NTF3: variants seen among roughly 807,000 people sequenced by gnomAD.
NTF3 encodes neurotrophin 3.
A neutral mutation model predicts 26.3 loss-of-function variants in NTF3; 8 were observed. The ratio of observed to expected loss-of-function variants is 0.30; its 90% confidence interval spans 0.18 to 0.55. The LOEUF (loss-of-function observed/expected upper bound fraction) is 0.55. NTF3 is among the 20% of genes least tolerant of loss of function. NTF3 has a pLI of 0.93. For synonymous variants in NTF3, 154 were observed against 145.5 expected, an observed-to-expected ratio of 1.06 and a Z score of -0.42; for missense variants, 276 against 352.9, an observed-to-expected ratio of 0.78 and a Z score of 1.75.
intron 1 of NTF3, among the ~76,000 whole-genome samples, chr12:5,477,990 G>C (rs1044574491): frequency 6.6e-6 from 1 of 152,150 alleles, no homozygotes; most frequent in Non-Finnish European, 1.5e-5. Flanking sequence ...GACTGCTTTC[G>C]TCTCAAAGCA....
At chr12:5,485,455 A>G (rs1438726133) in intron 1 of NTF3, among the ~76,000 whole-genome samples, 1 of 152,204 alleles carries the variant, frequency 6.6e-6, no homozygotes, top group Non-Finnish European at 1.5e-5. Context: ...TTCTTAAGAA[A>G]AAGTACTTAA....
chr12:5,468,103 A>G (rs1260389098), intron 1 of NTF3, among the ~76,000 whole-genome samples: 1 of 152,178 alleles, frequency 6.6e-6, no homozygotes, highest in Admixed American at 6.5e-5. Flanking sequence ...TTCAATCAAC[A>G]TAATCACAGT....
At chr12:5,463,201 A>G (rs1940545059) in intron 1 of NTF3, among the ~76,000 whole-genome samples, 1 of 152,186 alleles carries the variant, frequency 6.6e-6, no homozygotes, top group Admixed American at 6.5e-5. Flanking sequence ...TGAGCAAATC[A>G]AATCCTTAAA....
At chr12:5,445,870 T>C (rs1940299441) in intron 1 of NTF3, among the ~76,000 whole-genome samples, 1 of 152,212 alleles carries the variant, frequency 6.6e-6, no homozygotes, top group Non-Finnish European at 1.5e-5. Flanking sequence ...GTTCAACTAA[T>C]ATGGGCTAAG....
intron 1 of NTF3, among the ~76,000 whole-genome samples, chr12:5,434,862 C>T (rs1036335744): frequency 6.6e-6 from 1 of 151,460 alleles, no homozygotes; most frequent in Non-Finnish European, 1.5e-5. Context: ...CTGAGGAGCA[C>T]GGGGTTTGAA....
At chr12:5,462,441 C>G (rs1295891683) in intron 1 of NTF3, among the ~76,000 whole-genome samples, 1 of 152,172 alleles carries the variant, frequency 6.6e-6, no homozygotes, top group Non-Finnish European at 1.5e-5. Context: ...ATGCTTACCA[C>G]AGAGGCTCGA....
At chr12:5,434,548 G>A (rs749017605) in intron 1 of NTF3, among the ~76,000 whole-genome samples, 21 of 150,784 alleles carry the variant, frequency 1.4e-4, no homozygotes, top group Non-Finnish European at 2.5e-4. Flanking sequence ...TCCCTCTTTG[G>A]TGCCTGGGAG....
intron 1 of NTF3, among the ~76,000 whole-genome samples, chr12:5,449,134 AGGAGAG>A (rs1463590154): frequency 7.2e-5 from 11 of 152,328 alleles, no homozygotes; most frequent in Admixed American, 5.9e-4. Context: ...TGGATGATTG[AGGAGAG>A]CCCTGGATCA....
At chr12:5,449,025 G>A (rs963418943) in intron 1 of NTF3, among the ~76,000 whole-genome samples, 1 of 152,212 alleles carries the variant, frequency 6.6e-6, no homozygotes, top group African/African-American at 2.4e-5. Flanking sequence ...TACATGTAGG[G>A]AAATAAGACA....
chr12:5,478,891 A>C (rs75964489), intron 1 of NTF3, among the ~76,000 whole-genome samples: 1,646 of 152,252 alleles, frequency 0.011, 29 homozygotes, highest in African/African-American at 0.037. Flanking sequence ...TTTCTACACA[A>C]TGTTGGATTC....
At chr12:5,442,036 A>G (rs574798900) in intron 1 of NTF3, among the ~76,000 whole-genome samples, 5 of 152,324 alleles carry the variant, frequency 3.3e-5, no homozygotes, top group African/African-American at 1.2e-4. Flanking sequence ...ATTATTCATT[A>G]AGCAGTCTGT....
intron 1 of NTF3, among the ~76,000 whole-genome samples, chr12:5,483,782 G>C (rs1254279218): frequency 1.3e-5 from 2 of 152,186 alleles, no homozygotes; most frequent in African/African-American, 4.8e-5. Context: ...GGATGTGCAG[G>C]AACATGGAGA....
chr12:5,491,996 A>G (rs7487955), intron 1 of NTF3, among the ~76,000 whole-genome samples: 149,488 of 152,234 alleles, frequency 0.98, 73,462 homozygotes, highest in East Asian at 1. Context: ...TTACAGGCAT[A>G]AGCCACCGTA....
intron 1 of NTF3, among the ~76,000 whole-genome samples, chr12:5,469,080 C>T (rs1940630776): frequency 6.6e-6 from 1 of 151,634 alleles, no homozygotes; most frequent in Non-Finnish European, 1.5e-5. Context: ...ATGATTGTGC[C>T]ATTGAACTCC....
chr12:5,463,751 TTAGA>T (rs1484726821), intron 1 of NTF3, among the ~76,000 whole-genome samples: 2 of 152,226 alleles, frequency 1.3e-5, no homozygotes, highest in Admixed American at 1.3e-4. Flanking sequence ...TGCAGAATAC[TTAGA>T]TAACTGCATA....
At chr12:5,466,329 C>T (rs759560097) in intron 1 of NTF3, among the ~76,000 whole-genome samples, 26 of 152,192 alleles carry the variant, frequency 1.7e-4, no homozygotes, top group Non-Finnish European at 3.5e-4. Flanking sequence ...ATTCTGCTTA[C>T]GTGCTGTTTC....
rs939502454 is a variant in NTF3, at chr12:5,494,015, G to A, written c.19-179G>A. ...CTGGAGTGCATTCGCAGTATCTCCC[G>A]GGGGTGGGGGAAAGAAATCACCTCT... On this transcript the variant is annotated intron_variant, in intron 1 of 1. Transcript: ENST00000423158. This position sits in a 1 kb window ranked among gnomAD's most constrained non-coding sequence, Gnocchi z 8.3. 4 of 612,696 alleles carry A rather than the reference G, an allele frequency of 6.5e-6. No homozygotes were observed. Among genetic ancestry groups the A allele is most frequent in the South Asian group, 4.1e-5 (2 of 48,932 alleles). 38.0% of individuals were successfully genotyped at this position (612,696 alleles called of 1,614,324 possible).
intron 1 of NTF3, among the ~76,000 whole-genome samples, chr12:5,436,955 G>T (rs59833422): frequency 0.013 from 1,981 of 152,284 alleles, 51 homozygotes; most frequent in African/African-American, 0.044. Context: ...GAAATGTGAC[G>T]TGGAGAACAG....
chr12:5,431,491 C>T (rs1006090346), upstream of NTF3, among the ~76,000 whole-genome samples: 11 of 151,878 alleles, frequency 7.2e-5, no homozygotes, highest in Admixed American at 7.2e-4. Flanking sequence ...TGCGGGTCCC[C>T]GGGAGCGGGG....
Sources: gnomAD v4.1 joint callset for allele counts (sites outside exome capture counted in the v4.1 genomes callset) on GRCh38, gnomAD v4.1.1 for gene constraint, Gnocchi (gnomAD v3.1) non-coding constraint, MANE v1.5 for transcripts, NCBI Gene and HGNC (gene_info 2026-07-23, HGNC 2026-07-21) for gene names.